Variants in PSMF1 observed in about 807,000 individuals in gnomAD.
PSMF1 encodes the protein proteasome inhibitor subunit 1.
In PSMF1, 30 loss-of-function variants were observed where a neutral mutation model predicts 29.3. That is an observed-to-expected ratio of 1.02 (90% confidence interval 0.77 to 1.39). The LOEUF (loss-of-function observed/expected upper bound fraction) is 1.39. Ranked by LOEUF, PSMF1 falls within the 40% of genes most tolerant of loss-of-function variation. The pLI is 0.00. For missense variants in PSMF1, 344 were observed against 357.5 expected, an observed-to-expected ratio of 0.96 and a Z score of 0.31; for synonymous variants, 134 against 139.7, an observed-to-expected ratio of 0.96 and a Z score of 0.29.
upstream of PSMF1, chr20:1,118,009 C>T (rs1254199189): frequency 6.6e-6 from 1 of 152,210 alleles, no homozygotes; most frequent in Non-Finnish European, 1.5e-5. Context: ...GGGATAATAA[C>T]GGTCCATACT....
intron 4 of PSMF1, among the ~76,000 whole-genome samples, chr20:1,145,475 G>A (rs1403462677): frequency 6.6e-6 from 1 of 152,178 alleles, no homozygotes; most frequent in Non-Finnish European, 1.5e-5. Context: ...GAATAAGGAG[G>A]AGATGTTAGC....
chr20:1,132,644 A>G (rs969837534), intron 3 of PSMF1, among the ~76,000 whole-genome samples: 1 of 152,182 alleles, frequency 6.6e-6, no homozygotes, highest in Non-Finnish European at 1.5e-5. Context: ...TAGGATTTTG[A>G]TAGGAGTTGC....
chr20:1,155,257 C>G (rs1470511524), intron 4 of PSMF1, among the ~76,000 whole-genome samples: 1 of 152,204 alleles, frequency 6.6e-6, no homozygotes. Context: ...ACTACAAATG[C>G]TCAGAGAGAG....
chr20:1,157,583 CTTAA>C (rs1241290576), intron 4 of PSMF1, among the ~76,000 whole-genome samples: 2 of 118,172 alleles, frequency 1.7e-5, no homozygotes, highest in East Asian at 8.8e-4. Flanking sequence ...AAGATGCTTT[CTTAA>C]TTAAGTGTAT....
intron 4 of PSMF1, among the ~76,000 whole-genome samples, chr20:1,144,311 T>C (rs1360325816): frequency 1.3e-5 from 2 of 152,200 alleles, no homozygotes. Flanking sequence ...AACTGGATCA[T>C]GTACACTGCT....
intron 4 of PSMF1, among the ~76,000 whole-genome samples, chr20:1,142,790 A>G (rs1316813171): frequency 6.6e-6 from 1 of 152,182 alleles, no homozygotes; most frequent in Non-Finnish European, 1.5e-5. Context: ...ATACCCAGTA[A>G]TGGGATGGCT....
At position 1,169,737 on chromosome 20, in the gene PSMF1, C is replaced by CTA. The variant is rs547071814; in HGVS notation, c.*4658_*4659dup. Among the ~76,000 whole-genome samples, 104 of 152,312 alleles carry CTA rather than the reference C, an allele frequency of 6.8e-4. 1 individual carries two copies. The highest frequency in any genetic ancestry group is 1.9e-3 in the Admixed American group (29 of 15,308). ...ACACTGCCATCTGGACACCACTCAG[C>CTA]TAGCTCATCCAAGTTCAAGGCTCAA... On this transcript the variant is annotated 3_prime_UTR_variant, in exon 7 of 7. Coordinates refer to ENST00000335877, the MANE Select transcript of PSMF1 (RefSeq NM_006814.5).
At chr20:1,159,819 G>A (rs1450915908) in intron 4 of PSMF1, among the ~76,000 whole-genome samples, 1 of 152,148 alleles carries the variant, frequency 6.6e-6, no homozygotes, top group South Asian at 2.1e-4. Flanking sequence ...TTAAATCACA[G>A]TATCCTGCGA....
chr20:1,121,142 T>TAA (rs200203231), intron 1 of PSMF1, among the ~76,000 whole-genome samples: 64 of 151,492 alleles, frequency 4.2e-4, no homozygotes, highest in Middle Eastern at 3.4e-3. Flanking sequence ...TTTTTTTTTT[T>TAA]AAAAAGGTCC....
At chr20:1,133,804 G>A (rs1307861793) in intron 3 of PSMF1, among the ~76,000 whole-genome samples, 1 of 151,356 alleles carries the variant, frequency 6.6e-6, no homozygotes, top group Non-Finnish European at 1.5e-5. Flanking sequence ...GTGTAATTCA[G>A]TTTCTTTAAT....
chr20:1,120,864 C>A (rs914902038), intron 1 of PSMF1, among the ~76,000 whole-genome samples: 7 of 152,142 alleles, frequency 4.6e-5, no homozygotes, highest in African/African-American at 1.4e-4. Context: ...GTCAGAACCC[C>A]ATCCACCTCT....
rs550943573 is a variant in PSMF1 at position 1,164,918 on chromosome 20, A to T, written c.765-111A>T. 1.0e-6 allele frequency: 1 copy of T among 972,834 alleles called. No individual in the cohort carries two copies. Among genetic ancestry groups the T allele is most frequent in the African/African-American group, 1.6e-5 (1 of 62,090 alleles). The allele number at this position is 972,834 out of a possible 1,614,324, so 60.3% of individuals were successfully genotyped here. On this transcript the variant is annotated intron_variant, in intron 6 of 6. Transcript: ENST00000335877. This position sits in a 1 kb window ranked among gnomAD's most constrained non-coding sequence, Gnocchi z 4.1. Reference sequence around the variant, plus strand: ...TTGAGTGCATGTGTTTAAATTCCTCACACCGCCACATCATGTTGAAGGGCA... The same window carrying T: ...TTGAGTGCATGTGTTTAAATTCCTCTCACCGCCACATCATGTTGAAGGGCA...
intron 4 of PSMF1, among the ~76,000 whole-genome samples, chr20:1,160,045 C>T (rs755485612): frequency 2.0e-4 from 30 of 152,106 alleles, no homozygotes; most frequent in Admixed American, 3.3e-4. Context: ...TTTCAAAATA[C>T]TAAATATTTG....
chr20:1,120,847 CCA>C (rs1156506105), intron 1 of PSMF1, among the ~76,000 whole-genome samples: 1 of 152,176 alleles, frequency 6.6e-6, no homozygotes, highest in Non-Finnish European at 1.5e-5. Flanking sequence ...TTAGACTCTG[CCA>C]CACTGTCAGA....
chr20:1,117,178 G>C (rs1022637404), upstream of PSMF1, among the ~76,000 whole-genome samples: 6 of 152,084 alleles, frequency 3.9e-5, no homozygotes, highest in African/African-American at 4.8e-5. Flanking sequence ...GGGGATGAGA[G>C]GACAGTTGAA....
chr20:1,133,569 A>ATATATATATATATATATATATATATAT, intron 3 of PSMF1, among the ~76,000 whole-genome samples: 5 of 53,304 alleles, frequency 9.4e-5, no homozygotes, highest in Admixed American at 5.9e-4. Flanking sequence ...ATATATATAT[A>ATATATATATATATATATATATATATAT]TTTTTTTTTT....
intron 2 of PSMF1, chr20:1,126,013 T>C: frequency 2.2e-6 from 1 of 460,136 alleles, no homozygotes; most frequent in African/African-American, 2.0e-5. Flanking sequence ...TTACATTTCC[T>C]ATGCTGGAAG....
intron 3 of PSMF1, among the ~76,000 whole-genome samples, chr20:1,131,692 A>C (rs2086231333): frequency 6.6e-6 from 1 of 152,238 alleles, no homozygotes; most frequent in Admixed American, 6.5e-5. Context: ...CTCAGTGAGC[A>C]AACTGTGATT....
intron 4 of PSMF1, among the ~76,000 whole-genome samples, chr20:1,148,104 A>G (rs1319239369): frequency 2.6e-5 from 4 of 152,168 alleles, no homozygotes; most frequent in Non-Finnish European, 4.4e-5. Context: ...TGTCTGCCCT[A>G]GAGCGTAAAG....
Sources: allele counts gnomAD v4.1 joint callset (sites outside exome capture counted in the v4.1 genomes callset), GRCh38; gene constraint gnomAD v4.1.1; non-coding constraint Gnocchi (gnomAD v3.1); transcripts MANE v1.5; gene names NCBI Gene and HGNC (gene_info 2026-07-23, HGNC 2026-07-21).